ANXA8: variants seen among roughly 807,000 people sequenced by gnomAD.
ANXA8 encodes VAC-beta.
Under a neutral mutation model 26.8 loss-of-function variants are expected in ANXA8, and 9 were observed. The observed-to-expected ratio is 0.34, with a 90% CI of 0.20 to 0.59. The LOEUF (loss-of-function observed/expected upper bound fraction) is 0.59. Ranked by LOEUF, ANXA8 falls within the 20% of genes least tolerant of loss-of-function variation. The pLI, the probability that ANXA8 is intolerant of heterozygous loss-of-function variation, is 0.84. For synonymous variants in ANXA8, 39 were observed against 94.8 expected (o/e 0.41, Z 3.42); for missense variants, 83 against 238.5 (o/e 0.35, Z 4.29).
chr10:47,669,146 T>A, the ANXA8 span, among the ~76,000 whole-genome samples: 4 of 152,026 alleles, frequency 2.6e-5, no homozygotes, highest in South Asian at 8.3e-4. Flanking sequence ...GAATTTTGCC[T>A]TGGTGGGAAA....
the ANXA8 span, among the ~76,000 whole-genome samples, chr10:47,695,916 G>A: frequency 1.3e-5 from 2 of 151,726 alleles, no homozygotes; most frequent in South Asian, 4.2e-4. Flanking sequence ...TTTAACTTGT[G>A]TGGAAGATAA....
chr10:47,744,431 A>AGGGGGGAAGGGGGGGGTGGGGGGGGG, the ANXA8 span, among the ~76,000 whole-genome samples: 1 of 5,398 alleles, frequency 1.9e-4, no homozygotes, highest in African/African-American at 9.0e-4. Context: ...GTTGGGGGGG[A>AGGGGGGAAGGGGGGGGTGGGGGGGGG]GGGGGGAAGA....
At chr10:47,649,606 A>C in the ANXA8 span, among the ~76,000 whole-genome samples, 5 of 151,494 alleles carry the variant, frequency 3.3e-5, no homozygotes, top group African/African-American at 1.2e-4. Flanking sequence ...ATGGGGTTTC[A>C]CCATATTGGC....
At chr10:47,549,956 T>TA in the ANXA8 span, among the ~76,000 whole-genome samples, 1 of 147,532 alleles carries the variant, frequency 6.8e-6, no homozygotes, top group African/African-American at 2.6e-5. Flanking sequence ...ACATAAAAAT[T>TA]AAAAAAAAGG....
At chr10:47,900,873 C>A in the ANXA8 span, among the ~76,000 whole-genome samples, 1 of 151,210 alleles carries the variant, frequency 6.6e-6, no homozygotes, top group Non-Finnish European at 1.5e-5. Context: ...AAAACTAGTA[C>A]CTTGAGAAAG....
the ANXA8 span, chr10:47,581,552 C>T: frequency 1.8e-5 from 9 of 506,802 alleles, no homozygotes; most frequent in Non-Finnish European, 3.1e-5. Context: ...TGTTCTCTCA[C>T]ACTGCTCTCC....
At chr10:47,565,227 C>T in the ANXA8 span, 3 of 604,474 alleles carry the variant, frequency 5.0e-6, no homozygotes, top group Non-Finnish European at 8.8e-6. Flanking sequence ...CCCCCCAGCC[C>T]TGCGGCCGGG....
At position 47,474,890 on chromosome 10, in the gene ANXA8, C is replaced by A. The variant is rs2132401815; in HGVS notation, c.552+55G>T. The A allele has an allele frequency of 2.6e-6, 4 of 1,527,214 alleles. 1 individual carries two copies. Among genetic ancestry groups the A allele is most frequent in the East Asian group, 5.9e-5 (2 of 34,092 alleles). The allele number at this position is 1,527,214 out of a possible 1,614,324, so 94.6% of individuals were successfully genotyped here. ...GAGAAAGCCCCCGTGGGCAGAGGAG[C>A]CGGAGTCCAGATGGCAGGGGGTGGG... On this transcript the variant is annotated intron_variant, in intron 7 of 11. Transcript: ENST00000585281.
At chr10:47,743,343 T>C in the ANXA8 span, among the ~76,000 whole-genome samples, 469 of 14,470 alleles carry the variant, frequency 0.032, 30 homozygotes, top group Middle Eastern at 0.05. Context: ...TATATATACA[T>C]ATATATATAT....
chr10:47,645,856 T>C, the ANXA8 span, among the ~76,000 whole-genome samples: 3 of 149,642 alleles, frequency 2.0e-5, no homozygotes, highest in Non-Finnish European at 4.4e-5. Context: ...CTTCTTGAGC[T>C]GGGACATCCA....
At chr10:47,925,515 C>T in the ANXA8 span, among the ~76,000 whole-genome samples, 1,333 of 119,352 alleles carry the variant, frequency 0.011, no homozygotes, top group African/African-American at 0.04. Flanking sequence ...TGCTTGAGGA[C>T]GGAGGGCCAG....
At chr10:47,565,222 C>G in the ANXA8 span, 998 of 609,944 alleles carry the variant, frequency 1.6e-3, 32 homozygotes, top group South Asian at 0.019. Context: ...AGCCTCCCCC[C>G]AGCCCTGCGG....
chr10:47,511,155 G>A, the ANXA8 span, among the ~76,000 whole-genome samples: 1 of 134,258 alleles, frequency 7.4e-6, no homozygotes, highest in African/African-American at 3.0e-5. Context: ...GTGTTAGCCA[G>A]GATGGTCTCG....
the ANXA8 span, among the ~76,000 whole-genome samples, chr10:47,686,799 G>A: frequency 6.6e-6 from 1 of 151,896 alleles, no homozygotes; most frequent in African/African-American, 2.4e-5. Context: ...CTGACCTTTG[G>A]ATTTGGCTTC....
At chr10:47,960,580 A>T in the ANXA8 span, among the ~76,000 whole-genome samples, 2 of 149,794 alleles carry the variant, frequency 1.3e-5, no homozygotes, top group Non-Finnish European at 2.9e-5. Flanking sequence ...GTAATAGTAC[A>T]TTTTACGTAA....
the ANXA8 span, among the ~76,000 whole-genome samples, chr10:47,698,553 G>A: frequency 6.6e-6 from 1 of 150,386 alleles, no homozygotes; most frequent in East Asian, 2.0e-4. Context: ...AATAAATATA[G>A]TATCAGCCTG....
chr10:47,929,559 G>GTGTT, the ANXA8 span, among the ~76,000 whole-genome samples: 1 of 119,888 alleles, frequency 8.3e-6, no homozygotes, highest in Non-Finnish European at 1.7e-5. Flanking sequence ...GGCATGCTTT[G>GTGTT]TGTTTCCTAG....
chr10:47,628,183 A>C, the ANXA8 span, among the ~76,000 whole-genome samples: 1 of 151,026 alleles, frequency 6.6e-6, no homozygotes, highest in East Asian at 1.9e-4. Flanking sequence ...GGACAGAAGT[A>C]CAATTTTAAT....
intron 5 of ANXA8, 22 bp downstream of exon 5, chr10:47,476,210 C>T (rs1839533974): frequency 2.6e-6 from 1 of 378,930 alleles, no homozygotes; most frequent in African/African-American, 6.7e-5. Flanking sequence ...TCCTGAGCCC[C>T]TCCATCTGTG....
Sources: allele counts gnomAD v4.1 joint callset (sites outside exome capture counted in the v4.1 genomes callset), GRCh38; gene constraint gnomAD v4.1.1; transcripts MANE v1.5; gene names NCBI Gene and HGNC (gene_info 2026-07-23, HGNC 2026-07-21).